Variants in NAV2 observed in about 807,000 individuals in gnomAD.
The protein encoded by NAV2 is neuron navigator 2.
A neutral mutation model predicts 223.2 loss-of-function variants in NAV2; 54 were observed. The observed-to-expected ratio is 0.24, with a 90% CI of 0.19 to 0.30. The LOEUF (loss-of-function observed/expected upper bound fraction) is 0.30, where lower values mean the gene tolerates loss of function less well. Ranked by LOEUF, NAV2 falls within the 10% of genes least tolerant of loss-of-function variation. The pLI is 1.00. For missense variants in NAV2, 2,806 were observed against 3,147.5 expected (o/e 0.89, Z 2.60); for synonymous variants, 1,279 against 1,239.3 (o/e 1.03, Z -0.67).
chr11:20,052,017 A>G (rs916954293), intron 17 of NAV2, among the ~76,000 whole-genome samples: 4 of 152,172 alleles, frequency 2.6e-5, no homozygotes, highest in Non-Finnish European at 4.4e-5. Flanking sequence ...TGCTCACACC[A>G]TCTATATCAC....
chr11:20,083,517 A>G (rs2060222579), intron 26 of NAV2, among the ~76,000 whole-genome samples: 1 of 152,114 alleles, frequency 6.6e-6, no homozygotes, highest in African/African-American at 2.4e-5. Context: ...AGATAAATGG[A>G]TATACAGGAG....
Position 20,062,302 on chromosome 11 carries a change from A to G in NAV2, c.4832-5A>G, listed in dbSNP as rs1286851159. The G allele has an allele frequency of 1.2e-6, 2 of 1,600,806 alleles. No homozygotes were observed. Among genetic ancestry groups the G allele is most frequent in the East Asian group, 2.2e-5 (1 of 44,756 alleles). ...TCAATTCACCTTTTTTTTTTCTTTT[A>G]ATAGTTCATGGATCCTCACTCTCCT... On this transcript the variant is annotated splice_polypyrimidine_tract_variant and splice_region_variant and intron_variant, in intron 19 of 37. Transcript: ENST00000349880.
At chr11:19,378,985 CCT>C (rs1274244630) in intron 1 of NAV2, among the ~76,000 whole-genome samples, 15 of 152,186 alleles carry the variant, frequency 9.9e-5, no homozygotes, top group Non-Finnish European at 2.1e-4. Context: ...TCCCTCACTC[CCT>C]GTGTGGTTTT....
At chr11:19,754,847 A>G (rs1039010483) in intron 1 of NAV2, among the ~76,000 whole-genome samples, 3 of 152,188 alleles carry the variant, frequency 2.0e-5, no homozygotes, top group African/African-American at 4.8e-5. Context: ...CTGTTTTCTC[A>G]GAGAACTCCC....
intron 1 of NAV2, among the ~76,000 whole-genome samples, chr11:19,652,180 G>T (rs1427070993): frequency 6.6e-6 from 1 of 152,180 alleles, no homozygotes; most frequent in Non-Finnish European, 1.5e-5. Flanking sequence ...GCTAACAGAA[G>T]CCTTCATTCA....
chr11:19,510,377 C>G (rs1186679178), intron 1 of NAV2, among the ~76,000 whole-genome samples: 1 of 152,216 alleles, frequency 6.6e-6, no homozygotes, highest in African/African-American at 2.4e-5. Flanking sequence ...AGCCAGTTCT[C>G]CATACTGATT....
Position 19,713,595 on chromosome 11 carries a change from G to T in NAV2, c.-101G>T, listed in dbSNP as rs2050020516. On this transcript the variant is annotated 5_prime_UTR_variant, in exon 1 of 38. Transcript: ENST00000349880. The surrounding 1 kb of genome is among the most constrained non-coding windows in gnomAD (Gnocchi z 7.2). ...GCCGCTGGTGGTGGGCGCCTCGTGG[G>T]CTAAGGCCCGGCGCCTGCTCTGCTA... 2 of 1,435,612 alleles carry T rather than the reference G, an allele frequency of 1.4e-6. No homozygotes were observed. Among genetic ancestry groups the T allele is most frequent in the Non-Finnish European group, 1.8e-6 (2 of 1,093,688 alleles). The allele number at this position is 1,435,612 out of a possible 1,614,324, so 88.9% of individuals were successfully genotyped here. A position where few individuals can be genotyped will look rare whatever the true frequency, so the allele number is the denominator to read the frequency against.
chr11:19,713,753 AGCGCC>A lies in NAV2; in HGVS notation c.64_68del (p.Ala22HisfsTer31). ...GTCGGGACTGCCCAAACCCGTGCACAGCGCCGCGCCCATCCTGCACGTGCCCCCGG... is the reference window on the plus strand; with the variant it reads ...GTCGGGACTGCCCAAACCCGTGCACAGCGCCCATCCTGCACGTGCCCCCGG... On this transcript the variant is annotated frameshift_variant, in exon 1 of 38. Transcript: ENST00000349880. LOFTEE classifies it high-confidence loss of function. The surrounding 1 kb of genome is among the most constrained non-coding windows in gnomAD (Gnocchi z 7.2). The A allele has an allele frequency of 6.2e-7, 1 of 1,611,686 alleles. No homozygotes were observed. The highest frequency in any genetic ancestry group is 8.5e-7 in the Non-Finnish European group (1 of 1,179,050).
At chr11:20,051,948 G>A (rs973655673) in intron 17 of NAV2, among the ~76,000 whole-genome samples, 2 of 152,128 alleles carry the variant, frequency 1.3e-5, no homozygotes, top group African/African-American at 4.8e-5. Context: ...CTGGTAAGTG[G>A]TGGCTCAGGT....
intron 25 of NAV2, chr11:20,082,518 C>T: frequency 6.7e-7 from 1 of 1,481,714 alleles, no homozygotes; most frequent in Non-Finnish European, 9.4e-7. Flanking sequence ...CTTTCCCTGT[C>T]ACTGGCTTTC....
At chr11:19,743,407 A>C (rs759690836) in intron 1 of NAV2, among the ~76,000 whole-genome samples, 1 of 152,182 alleles carries the variant, frequency 6.6e-6, no homozygotes, top group Non-Finnish European at 1.5e-5. Context: ...CTGGCCCAGG[A>C]TATCTCCAGG....
At position 19,629,542 on chromosome 11, in the gene NAV2, G is replaced by GACACACAC. The variant is rs10604730; in HGVS notation, c.76-202912_76-202905dup. Among the ~76,000 whole-genome samples, 922 of 134,818 alleles carry GACACACAC rather than the reference G, an allele frequency of 6.8e-3. 12 individuals are homozygous for GACACACAC. The highest frequency in any genetic ancestry group is 0.023 in the African/African-American group (846 of 37,344). 88.4% of individuals were successfully genotyped at this position (134,818 alleles called of 152,430 possible). A position where few individuals can be genotyped will look rare whatever the true frequency, so the allele number is the denominator to read the frequency against. ...TCTTTCTTTTTTTCTCTCTCTCTCT[G>GACACACAC]ACACACACACACACACACACACACA... On this transcript the variant is annotated intron_variant, in intron 1 of 37. Coordinates refer to the NAV2 transcript ENST00000360655.
At chr11:19,918,523 G>C (rs1159594821) in intron 6 of NAV2, among the ~76,000 whole-genome samples, 1 of 152,214 alleles carries the variant, frequency 6.6e-6, no homozygotes, top group African/African-American at 2.4e-5. Flanking sequence ...TATGCCTGCT[G>C]TGTGAGCAGA....
At chr11:19,750,626 G>A (rs771329415) in intron 1 of NAV2, among the ~76,000 whole-genome samples, 6 of 152,210 alleles carry the variant, frequency 3.9e-5, no homozygotes, top group Non-Finnish European at 8.8e-5. Flanking sequence ...GTTATAGAAT[G>A]TCCCGTGTGG....
At chr11:19,347,053 A>G (rs1253136458), upstream of NAV2, among the ~76,000 whole-genome samples, 1 of 152,214 alleles carries the variant, frequency 6.6e-6, no homozygotes, top group African/African-American at 2.4e-5. Flanking sequence ...TCCAGATTTA[A>G]AAAACAGTTT....
At chr11:19,910,018 G>C (rs1012607447) in intron 6 of NAV2, among the ~76,000 whole-genome samples, 4 of 152,146 alleles carry the variant, frequency 2.6e-5, no homozygotes, top group African/African-American at 9.7e-5. Context: ...CCATCGTGGG[G>C]TGATTGAGTT....
intron 32 of NAV2, 139 bp downstream of exon 32, chr11:20,101,311 A>AGG: frequency 1.5e-6 from 1 of 665,534 alleles, no homozygotes. Context: ...AGAGGTCCAG[A>AGG]GGGGGCTAGC....
At chr11:19,877,474 T>TTTTTTTTTTTCTTTTTTCTTTTCTTTTTC (rs1264497937) in intron 4 of NAV2, among the ~76,000 whole-genome samples, 1 of 130,428 alleles carries the variant, frequency 7.7e-6, no homozygotes, top group Non-Finnish European at 1.6e-5. Context: ...TTCATTCTTT[T>TTTTTTTTTTTCTTTTTTCTTTTCTTTTTC]TTTTTTTTTT....
chr11:19,933,694 G>A lies in NAV2; in HGVS notation c.1450G>A (p.Gly484Ser), dbSNP rs1281244739. ...ALTNKKSSLK[G>S]NEKEKEKQQR... ...GACCAACAAGAAGAGTTCTCTGAAA[G>A]GCAATGAGAAAGAGAAGGAGAAACA... is the stretch of plus-strand genomic sequence containing the variant. Residue 484 changes from glycine to serine, a missense_variant, in exon 7 of 38, where the codon GGC (glycine) becomes AGC (serine). Around this residue, in one of 4 missense-constraint regions of NAV2, gnomAD observed 1,167 missense variants for 1,180.5 expected, o/e 0.99. Transcript: ENST00000349880. This position sits in a 1 kb window ranked among gnomAD's most constrained non-coding sequence, Gnocchi z 4.3. 2 of 1,614,170 alleles carry A rather than the reference G, an allele frequency of 1.2e-6. No individual in the cohort carries two copies. The highest frequency in any genetic ancestry group is 1.7e-6 in the Non-Finnish European group (2 of 1,180,022).
Sources: allele counts gnomAD v4.1 joint callset (sites outside exome capture counted in the v4.1 genomes callset), GRCh38; gene constraint gnomAD v4.1.1; regional missense constraint gnomAD v4.1.1; non-coding constraint Gnocchi (gnomAD v3.1); transcripts MANE v1.5; gene names NCBI Gene and HGNC (gene_info 2026-07-23, HGNC 2026-07-21).